The following TPRG1 variants were observed in gnomAD, a reference collection of about 807,000 sequenced individuals.
The protein encoded by TPRG1 is tumor protein p63 regulated 1.
In TPRG1, 29 loss-of-function variants were observed where a neutral mutation model predicts 29.3. The observed-to-expected ratio is 0.99, with a 90% confidence interval of 0.74 to 1.35. The LOEUF is 1.35. Ranked by LOEUF, TPRG1 falls within the 40% of genes most tolerant of loss-of-function variation. The probability of loss-of-function intolerance (pLI) is 0.00; values close to 1 mark genes in which losing one functional copy is unlikely to be tolerated. For missense variants in TPRG1, 327 were observed against 335.0 expected (o/e 0.98, Z 0.19); for synonymous variants, 130 against 116.8 (o/e 1.11, Z -0.73).
chr3:189,064,109 A>G (rs1716284139), intron 4 of TPRG1, among the ~76,000 whole-genome samples: 1 of 152,180 alleles, frequency 6.6e-6, no homozygotes, highest in Non-Finnish European at 1.5e-5. Flanking sequence ...AGACTTGTCT[A>G]AGCCTATAAG....
intron 4 of TPRG1, among the ~76,000 whole-genome samples, chr3:189,254,003 G>A (rs1393829556): frequency 1.3e-5 from 2 of 151,734 alleles, no homozygotes; most frequent in Non-Finnish European, 2.9e-5. Flanking sequence ...TTCTTGTGCT[G>A]TGCAGAAGCT....
At chr3:189,239,062 A>C in intron 4 of TPRG1, 153 bp downstream of exon 4, 4 of 584,944 alleles carry the variant, frequency 6.8e-6, no homozygotes, top group Non-Finnish European at 1.1e-5. Context: ...TAGAGTTCCT[A>C]CTCTATGTCA....
intron 3 of TPRG1, among the ~76,000 whole-genome samples, chr3:189,013,461 A>G (rs1231108589): frequency 6.6e-6 from 1 of 152,092 alleles, no homozygotes; most frequent in East Asian, 1.9e-4. Context: ...TTTTTTGAGT[A>G]AGTGCTATGT....
At chr3:189,318,635 T>A (rs1450376856) in intron 5 of TPRG1, among the ~76,000 whole-genome samples, 1 of 152,182 alleles carries the variant, frequency 6.6e-6, no homozygotes, top group African/African-American at 2.4e-5. Context: ...ATAAGTTACC[T>A]GCTTGGCTTT....
At chr3:189,193,303 T>G (rs1236609252) in intron 1 of TPRG1, among the ~76,000 whole-genome samples, 1 of 152,064 alleles carries the variant, frequency 6.6e-6, no homozygotes, top group Non-Finnish European at 1.5e-5. Context: ...GTCCAACTAA[T>G]TTTTAATATT....
intron 4 of TPRG1, among the ~76,000 whole-genome samples, chr3:189,064,136 T>G (rs1454077397): frequency 6.6e-6 from 1 of 152,182 alleles, no homozygotes; most frequent in Non-Finnish European, 1.5e-5. Flanking sequence ...ATTTTCATTG[T>G]GGGTTGGTTA....
chr3:189,122,410 C>T (rs555154969), intron 1 of TPRG1, among the ~76,000 whole-genome samples: 28 of 152,296 alleles, frequency 1.8e-4, no homozygotes, highest in African/African-American at 6.7e-4. Flanking sequence ...TCCCCAATGG[C>T]CTGCTTTTAT....
chr3:189,316,429 A>C (rs892754721), intron 5 of TPRG1, among the ~76,000 whole-genome samples: 4 of 152,230 alleles, frequency 2.6e-5, no homozygotes, highest in Non-Finnish European at 5.9e-5. Context: ...GGAGGCTGAA[A>C]CCTGTAGCCT....
intron 4 of TPRG1, among the ~76,000 whole-genome samples, chr3:189,043,333 A>G (rs1317854305): frequency 1.3e-4 from 20 of 152,152 alleles, no homozygotes; most frequent in Non-Finnish European, 2.8e-4. Flanking sequence ...GAGGCTTGGA[A>G]TGAGGAGTGT....
chr3:189,273,548 C>T (rs1715581965), intron 4 of TPRG1, among the ~76,000 whole-genome samples: 1 of 152,166 alleles, frequency 6.6e-6, no homozygotes, highest in Non-Finnish European at 1.5e-5. Flanking sequence ...CTGATATTGT[C>T]CCTACGTAAC....
chr3:189,023,228 C>G (rs1338038494), intron 3 of TPRG1, among the ~76,000 whole-genome samples: 1 of 152,210 alleles, frequency 6.6e-6, no homozygotes, highest in Non-Finnish European at 1.5e-5. Context: ...GGAGCTGTTC[C>G]TATTCGGCCA....
chr3:189,144,323 A>G (rs1724963825), intron 3 of TPRG1, among the ~76,000 whole-genome samples: 2 of 152,190 alleles, frequency 1.3e-5, no homozygotes, highest in Admixed American at 6.6e-5. Flanking sequence ...TTGTTCCTGC[A>G]ATTTCAAGGT....
intron 4 of TPRG1, among the ~76,000 whole-genome samples, chr3:189,269,351 T>G (rs1287440243): frequency 1.3e-5 from 2 of 152,192 alleles, no homozygotes; most frequent in Non-Finnish European, 2.9e-5. Flanking sequence ...CCATATATTA[T>G]TTTGTTTTCG....
chr3:189,033,861 C>T (rs1714093894), intron 4 of TPRG1, among the ~76,000 whole-genome samples: 1 of 152,086 alleles, frequency 6.6e-6, no homozygotes, highest in Non-Finnish European at 1.5e-5. Context: ...CAGGCGTGAG[C>T]CACCGTGCCC....
intron 5 of TPRG1, among the ~76,000 whole-genome samples, chr3:189,154,104 G>T (rs1187735050): frequency 6.6e-6 from 1 of 152,160 alleles, no homozygotes; most frequent in African/African-American, 2.4e-5. Flanking sequence ...TGAGGCAGCT[G>T]CTTTTTTCTT....
At chr3:189,227,397 C>A (rs1424309081) in intron 3 of TPRG1, among the ~76,000 whole-genome samples, 1 of 152,220 alleles carries the variant, frequency 6.6e-6, no homozygotes, top group Non-Finnish European at 1.5e-5. Flanking sequence ...AGGGCCACGG[C>A]AGCTGCCCTT....
chr3:189,270,017 A>ATCTTCTTCT (rs72453037), intron 4 of TPRG1, among the ~76,000 whole-genome samples: 2,500 of 148,798 alleles, frequency 0.017, 27 homozygotes, highest in Non-Finnish European at 0.028. Context: ...TCTTCTCTGG[A>ATCTTCTTCT]TCTTCTTCTT....
rs868653202 is a variant in TPRG1, at chr3:189,072,438, G to C, written c.-463+48492G>C. 2.0e-5 allele frequency among the ~76,000 whole-genome samples: 3 copies of C among 152,068 alleles called. 1 individual carries two copies. Among genetic ancestry groups the C allele is most frequent in the Middle Eastern group, 6.8e-3 (2 of 294 alleles). ...ACAAAGCTCAGATATTTTGACTATT[G>C]TTTCTCAATGTGGATATTTTTTATA... On this transcript the variant is annotated intron_variant, in intron 4 of 10. Transcript: ENST00000433971.
chr3:189,118,105 G>C (rs1721395441), intron 1 of TPRG1, among the ~76,000 whole-genome samples: 1 of 152,308 alleles, frequency 6.6e-6, no homozygotes, highest in East Asian at 1.9e-4. Context: ...ACTTCCTAGA[G>C]ACTTGTTGAA....
Sources: allele counts gnomAD v4.1 joint callset (sites outside exome capture counted in the v4.1 genomes callset), GRCh38; gene constraint gnomAD v4.1.1; transcripts MANE v1.5; gene names NCBI Gene and HGNC (gene_info 2026-07-23, HGNC 2026-07-21).